ASTN2: variants seen among roughly 807,000 people sequenced by gnomAD.
The protein encoded by ASTN2 is astrotactin 2.
ASTN2 carries 54 observed loss-of-function variants against 139.8 expected under a neutral mutation model. That is an observed-to-expected ratio of 0.39 (90% CI 0.31 to 0.48). The LOEUF is 0.48. Among genes scored for constraint, ASTN2 ranks in the 20% least tolerant of loss-of-function variants. ASTN2 has a pLI of 0.95. For synonymous variants in ASTN2, 756 were observed against 719.5 expected (o/e 1.05, Z -0.81); for missense variants, 1,565 against 1,725.1 (o/e 0.91, Z 1.64).
intron 11 of ASTN2, among the ~76,000 whole-genome samples, chr9:116,852,020 G>A (rs1222022232): frequency 6.6e-6 from 1 of 152,300 alleles, no homozygotes; most frequent in African/African-American, 2.4e-5. Context: ...AGTAAACAGA[G>A]TCATGTTGAG....
chr9:116,506,468 G>A (rs987173118), intron 19 of ASTN2, among the ~76,000 whole-genome samples: 3 of 151,406 alleles, frequency 2.0e-5, no homozygotes, highest in African/African-American at 7.3e-5. Flanking sequence ...CCTCTTAGGC[G>A]GGAAGCCCCA....
chr9:116,992,841 A>G (rs1836896970), intron 7 of ASTN2, among the ~76,000 whole-genome samples: 1 of 152,174 alleles, frequency 6.6e-6, no homozygotes, highest in Non-Finnish European at 1.5e-5. Context: ...ACTGAGCACA[A>G]TGCCTGGCAC....
Position 117,405,504 on chromosome 9 carries a change from A to G in ASTN2, c.442+8993T>C, listed in dbSNP as rs933086370. 3.3e-5 allele frequency among the ~76,000 whole-genome samples: 5 copies of G among 152,208 alleles called. No homozygotes were observed. The East Asian group carries it at 7.7e-4, about 23-fold the overall frequency. Reference sequence around the variant, plus strand: ...ACGGTTTTCATAGCCTATCCTATGTAGGATGATAAAGTCCAGTTACATTAC... The same window carrying G: ...ACGGTTTTCATAGCCTATCCTATGTGGGATGATAAAGTCCAGTTACATTAC... On this transcript the variant is annotated intron_variant, in intron 1 of 22. Coordinates refer to ENST00000313400, the MANE Select transcript of ASTN2 (RefSeq NM_001365068.1).
In ASTN2 at chr9:116,608,645, C is replaced by A. The variant is rs534902465; in HGVS notation, c.3355+9679G>T. On this transcript the variant is annotated intron_variant, in intron 19 of 22. Coordinates refer to ENST00000313400, the MANE Select transcript of ASTN2 (RefSeq NM_001365068.1). ...AAGAGTTTGAACAAAATATTTTGAACAAAAGAGTTCAAAAATATTTTTAGT... is the reference window on the plus strand; with the variant it reads ...AAGAGTTTGAACAAAATATTTTGAAAAAAAGAGTTCAAAAATATTTTTAGT... Among the ~76,000 whole-genome samples the A allele has an allele frequency of 3.5e-4, 53 of 152,004 alleles. 1 individual carries two copies. The highest frequency in any genetic ancestry group is 1.3e-3 in the African/African-American group (52 of 41,472).
intron 16 of ASTN2, among the ~76,000 whole-genome samples, chr9:116,680,557 C>A (rs1471720319): frequency 6.6e-6 from 1 of 152,124 alleles, no homozygotes; most frequent in Non-Finnish European, 1.5e-5. Flanking sequence ...CAAAGCCGGG[C>A]AGAGACACAA....
At chr9:116,938,057 T>A (rs944402483) in intron 10 of ASTN2, among the ~76,000 whole-genome samples, 3 of 152,202 alleles carry the variant, frequency 2.0e-5, no homozygotes, top group Non-Finnish European at 2.9e-5. Flanking sequence ...GAGGTTTAAG[T>A]TGGTAACTTT....
At chr9:116,519,663 G>A (rs1265297877) in intron 19 of ASTN2, among the ~76,000 whole-genome samples, 1 of 151,880 alleles carries the variant, frequency 6.6e-6, no homozygotes, top group African/African-American at 2.4e-5. Context: ...GAATATCAGA[G>A]CAGAATTAAA....
intron 2 of ASTN2, among the ~76,000 whole-genome samples, chr9:117,248,180 G>A (rs555471971): frequency 6.6e-6 from 1 of 152,178 alleles, no homozygotes; most frequent in Non-Finnish European, 1.5e-5. Flanking sequence ...CAGGAGGAAG[G>A]GTACCTTGTC....
At chr9:116,821,813 C>T (rs1401409184) in intron 11 of ASTN2, among the ~76,000 whole-genome samples, 1 of 152,064 alleles carries the variant, frequency 6.6e-6, no homozygotes, top group African/African-American at 2.4e-5. Context: ...CTGGCACCTG[C>T]TATGTGCTCC....
intron 16 of ASTN2, among the ~76,000 whole-genome samples, chr9:116,703,731 A>AT (rs1006913474): frequency 1.9e-4 from 28 of 150,016 alleles, no homozygotes; most frequent in South Asian, 6.4e-4. Flanking sequence ...TATAATAATA[A>AT]AAAAAAAAAA....
At chr9:117,049,095 G>A (rs950148549) in intron 5 of ASTN2, among the ~76,000 whole-genome samples, 12 of 150,894 alleles carry the variant, frequency 8.0e-5, no homozygotes, top group African/African-American at 2.7e-4. Context: ...AGCCTCCTGA[G>A]TAGCTGGGAT....
At chr9:117,317,047 C>G (rs139052233) in intron 1 of ASTN2, among the ~76,000 whole-genome samples, 1,752 of 152,228 alleles carry the variant, frequency 0.012, 31 homozygotes, top group African/African-American at 0.04. Context: ...ATTTCTTCTG[C>G]TGTTCCTTCT....
At chr9:117,319,634 C>T (rs1225242261) in intron 1 of ASTN2, among the ~76,000 whole-genome samples, 1 of 151,096 alleles carries the variant, frequency 6.6e-6, no homozygotes, top group Non-Finnish European at 1.5e-5. Context: ...GAGGATTTCG[C>T]CATGTTGGCC....
intron 10 of ASTN2, among the ~76,000 whole-genome samples, chr9:116,943,871 GAACT>G (rs1835304943): frequency 6.6e-6 from 1 of 152,052 alleles, no homozygotes; most frequent in Non-Finnish European, 1.5e-5. Flanking sequence ...TTTGTTTTAA[GAACT>G]TACTTTAGCA....
At chr9:116,547,407 C>T (rs1400000849) in intron 19 of ASTN2, 2 of 152,176 alleles carry the variant, frequency 1.3e-5, no homozygotes, top group Admixed American at 6.5e-5. Flanking sequence ...CATGGCCTGA[C>T]ATAAAAGTAG....
In ASTN2 at chr9:116,962,708, A is replaced by G. The variant is rs114980674; in HGVS notation, c.1889+12500T>C. ...GAATCCTCCTTTTTAATTTCGTTGC[A>G]TCTACTAACCCCAAAGTACTAGTGT... On this transcript the variant is annotated intron_variant, in intron 10 of 22. Coordinates refer to ENST00000313400, the MANE Select transcript of ASTN2 (RefSeq NM_001365068.1). Among the ~76,000 whole-genome samples, 589 of 152,316 alleles carry G rather than the reference A, an allele frequency of 3.9e-3. 4 individuals carry two copies. The highest frequency in any genetic ancestry group is 0.014 in the African/African-American group (575 of 41,562).
intron 3 of ASTN2, among the ~76,000 whole-genome samples, chr9:117,149,872 T>C (rs1272740640): frequency 6.6e-6 from 1 of 152,252 alleles, no homozygotes; most frequent in Non-Finnish European, 1.5e-5. Context: ...TTCTCTCATT[T>C]TAGTTTTTCC....
chr9:117,013,796 C>T (rs913542796), intron 6 of ASTN2, among the ~76,000 whole-genome samples: 15 of 151,964 alleles, frequency 9.9e-5, no homozygotes, highest in Non-Finnish European at 1.8e-4. Flanking sequence ...CTAAAAATAC[C>T]ACGGAAGGAG....
At chr9:117,267,803 G>A (rs1833969419) in intron 2 of ASTN2, among the ~76,000 whole-genome samples, 1 of 152,152 alleles carries the variant, frequency 6.6e-6, no homozygotes, top group African/African-American at 2.4e-5. Flanking sequence ...ATGATGAGGG[G>A]AGGAGCGGGG....
Sources: allele counts gnomAD v4.1 joint callset (sites outside exome capture counted in the v4.1 genomes callset), GRCh38; gene constraint gnomAD v4.1.1; transcripts MANE v1.5; gene names NCBI Gene and HGNC (gene_info 2026-07-23, HGNC 2026-07-21).